Variants in AGFG1 observed in about 807,000 individuals in gnomAD.
AGFG1 encodes the protein arf-GAP domain and FG repeat-containing protein 1.
Under a neutral mutation model 60.6 loss-of-function variants are expected in AGFG1, and 10 were observed. That is an observed-to-expected ratio of 0.16 (90% confidence interval 0.10 to 0.28). AGFG1 has a LOEUF of 0.28. Among genes scored for constraint, AGFG1 ranks in the 10% least tolerant of loss-of-function variants. The pLI, the probability that AGFG1 is intolerant of heterozygous loss-of-function variation, is 1.00. For synonymous variants in AGFG1, 247 were observed against 242.9 expected (o/e 1.02, Z -0.16); for missense variants, 537 against 676.5 (o/e 0.79, Z 2.29).
chr2:227,515,697 A>G (rs1691629131), intron 2 of AGFG1, among the ~76,000 whole-genome samples: 1 of 152,138 alleles, frequency 6.6e-6, no homozygotes, highest in Admixed American at 6.5e-5. Flanking sequence ...TTCACTTTAT[A>G]TATTGATGGC....
chr2:227,497,730 G>GTTTTTTTTTTTTTTTTTTTTTTTT (rs148621752), intron 2 of AGFG1, among the ~76,000 whole-genome samples: 2 of 38,938 alleles, frequency 5.1e-5, no homozygotes, highest in African/African-American at 7.6e-5. Context: ...TTTCTTTCTT[G>GTTTTTTTTTTTTTTTTTTTTTTTT]TTTTGTTTTT....
At chr2:227,521,408 A>AT (rs1346442865) in intron 3 of AGFG1, among the ~76,000 whole-genome samples, 12 of 152,258 alleles carry the variant, frequency 7.9e-5, no homozygotes, top group African/African-American at 2.9e-4. Flanking sequence ...AGTCAGGGCT[A>AT]TATTCAGCTG....
intron 2 of AGFG1, among the ~76,000 whole-genome samples, chr2:227,517,002 G>T (rs1691669645): frequency 6.6e-6 from 1 of 152,168 alleles, no homozygotes; most frequent in Admixed American, 6.5e-5. Context: ...AGAATCATTA[G>T]TTAGGTTTCT....
At chr2:227,543,061 G>A (rs1355696904) in intron 10 of AGFG1, among the ~76,000 whole-genome samples, 1 of 151,672 alleles carries the variant, frequency 6.6e-6, no homozygotes, top group Non-Finnish European at 1.5e-5. Context: ...TTCTTTATTA[G>A]TCTTGCTAGC....
intron 11 of AGFG1, among the ~76,000 whole-genome samples, chr2:227,552,671 TC>T (rs1692854442): frequency 1.3e-5 from 2 of 151,420 alleles, no homozygotes; most frequent in Admixed American, 6.6e-5. Flanking sequence ...GTTTCTTTTT[TC>T]TTTTTTTTTT....
intron 2 of AGFG1, among the ~76,000 whole-genome samples, chr2:227,504,798 TG>T (rs1691262681): frequency 6.6e-6 from 1 of 152,254 alleles, no homozygotes; most frequent in African/African-American, 2.4e-5. Context: ...TGAACATTTT[TG>T]ATATATTTTC....
At chr2:227,476,284 G>A (rs1238907569) in intron 1 of AGFG1, among the ~76,000 whole-genome samples, 5 of 152,114 alleles carry the variant, frequency 3.3e-5, no homozygotes, top group Non-Finnish European at 7.4e-5. Context: ...ATTCTGAATG[G>A]ACACTTCAGA....
intron 7 of AGFG1, 86 bp from the exon 8 acceptor site, chr2:227,534,759 T>C: frequency 7.2e-7 from 1 of 1,397,706 alleles, no homozygotes; most frequent in South Asian, 1.3e-5. Flanking sequence ...CATTTTAAGT[T>C]TACCTGTGTT....
chr2:227,482,445 CCTA>C (rs1690497929), intron 1 of AGFG1, among the ~76,000 whole-genome samples: 1 of 152,118 alleles, frequency 6.6e-6, no homozygotes, highest in East Asian at 1.9e-4. Context: ...GATTTGATAA[CCTA>C]CTAAAGGCAC....
At chr2:227,494,579 T>A (rs1690921100) in intron 2 of AGFG1, among the ~76,000 whole-genome samples, 1 of 152,334 alleles carries the variant, frequency 6.6e-6, no homozygotes, top group South Asian at 2.1e-4. Flanking sequence ...GTTTGGTTGT[T>A]GTCACTATTG....
chr2:227,522,743 G>A (rs1691861161), intron 3 of AGFG1, among the ~76,000 whole-genome samples: 1 of 152,190 alleles, frequency 6.6e-6, no homozygotes, highest in Admixed American at 6.5e-5. Context: ...ATAAGAAGGA[G>A]GGTAGGACAA....
At chr2:227,521,046 A>G (rs971561674) in intron 3 of AGFG1, among the ~76,000 whole-genome samples, 1 of 146,912 alleles carries the variant, frequency 6.8e-6, no homozygotes, top group African/African-American at 2.6e-5. Context: ...TATTCTTACT[A>G]CTTTCCAAAA....
chr2:227,542,370 A>G (rs574770001), intron 10 of AGFG1, among the ~76,000 whole-genome samples: 77 of 152,182 alleles, frequency 5.1e-4, no homozygotes, highest in Non-Finnish European at 9.0e-4. Context: ...TTTAGCATGA[A>G]GGGCTGTTGA....
rs1309841615 is a variant in AGFG1, at chr2:227,558,597, CATTAGTT to C, written c.*4104_*4110del. 6.6e-6 allele frequency: 1 copy of C among 152,086 alleles called. No homozygotes were observed. The highest frequency in any genetic ancestry group is 1.5e-5 in the Non-Finnish European group (1 of 68,022). 9.4% of individuals were successfully genotyped at this position (152,086 alleles called of 1,614,324 possible). ...GTATTTAACCTGTTGTATTCATCCT[CATTAGTT>C]AAGTTTTTCTTTTTATGTTTTAAAA... On this transcript the variant is annotated 3_prime_UTR_variant, in exon 13 of 13. Transcript: ENST00000310078.
At chr2:227,547,899 C>G (rs548009493) in intron 10 of AGFG1, among the ~76,000 whole-genome samples, 1 of 152,308 alleles carries the variant, frequency 6.6e-6, no homozygotes, top group Admixed American at 6.5e-5. Context: ...CACAAATGTT[C>G]ATACCATCAG....
intron 10 of AGFG1, among the ~76,000 whole-genome samples, chr2:227,545,775 C>A (rs887543292): frequency 2.6e-5 from 4 of 152,212 alleles, no homozygotes; most frequent in Non-Finnish European, 5.9e-5. Flanking sequence ...CCCTGTTTGC[C>A]TGGGTATCAC....
In AGFG1 at chr2:227,500,319, A is replaced by G. The variant is rs1207602801; in HGVS notation, c.261+8679A>G. ...CTGTGATCCTAGGTTCTTTCCAAGG[A>G]TGGAGTGTCTGTGAGCAGTTATCTT... On this transcript the variant is annotated intron_variant, in intron 2 of 12. Transcript: ENST00000310078. 2.0e-5 allele frequency among the ~76,000 whole-genome samples: 3 copies of G among 152,144 alleles called. No homozygotes were observed. In the South Asian group the frequency reaches 6.2e-4, roughly 31 times the overall value.
At chr2:227,525,115 G>A (rs1430747028) in intron 5 of AGFG1, among the ~76,000 whole-genome samples, 200 bp downstream of exon 5, 2 of 152,232 alleles carry the variant, frequency 1.3e-5, no homozygotes, top group East Asian at 3.9e-4. Flanking sequence ...ATGTCGGTTG[G>A]CATGACCTCT....
intron 11 of AGFG1, 137 bp from the exon 12 acceptor site, chr2:227,553,567 A>T: frequency 1.7e-6 from 1 of 600,238 alleles, no homozygotes; most frequent in Non-Finnish European, 3.0e-6. Flanking sequence ...AAAGAGCTTG[A>T]GGCCTAACAA....
Sources: gnomAD v4.1 joint callset for allele counts (sites outside exome capture counted in the v4.1 genomes callset) on GRCh38, gnomAD v4.1.1 for gene constraint, MANE v1.5 for transcripts, NCBI Gene and HGNC (gene_info 2026-07-23, HGNC 2026-07-21) for gene names.